The following HOMER2 variants were observed in gnomAD, a reference collection of about 807,000 sequenced individuals.
HOMER2 encodes the protein homer protein homolog 2.
In HOMER2, 27 loss-of-function variants were observed where a neutral mutation model predicts 47.0. The observed-to-expected ratio is 0.57, with a 90% confidence interval of 0.42 to 0.79. HOMER2 has a LOEUF of 0.79. HOMER2 is among the 30% of genes least tolerant of loss of function. The pLI is 0.00. For missense variants in HOMER2, 443 were observed against 435.0 expected (o/e 1.02, Z -0.16); for synonymous variants, 161 against 163.8 (o/e 0.98, Z 0.13).
At chr15:82,855,893 G>A (rs1030456471) in intron 5 of HOMER2, among the ~76,000 whole-genome samples, 2 of 152,308 alleles carry the variant, frequency 1.3e-5, no homozygotes, top group African/African-American at 2.4e-5. Flanking sequence ...TCCTTGCTAG[G>A]AGCCCACACA....
intron 5 of HOMER2, among the ~76,000 whole-genome samples, chr15:82,857,729 C>G (rs146530005): frequency 0.011 from 1,617 of 152,196 alleles, 7 homozygotes; most frequent in Non-Finnish European, 0.016. Context: ...CCACGCCCAG[C>G]CAATACAGAT....
intron 1 of HOMER2, among the ~76,000 whole-genome samples, chr15:82,923,497 A>AC (rs1448552817): frequency 1.3e-5 from 2 of 151,796 alleles, no homozygotes; most frequent in African/African-American, 4.8e-5. Flanking sequence ...AAAAAAAAAA[A>AC]AAAAAAAAGG....
At chr15:82,954,915 A>T (rs977564756), upstream of HOMER2, among the ~76,000 whole-genome samples, 1 of 149,318 alleles carries the variant, frequency 6.7e-6, no homozygotes, top group Non-Finnish European at 1.5e-5. Flanking sequence ...AGTAGCTGGG[A>T]CTACAGGCGC....
chr15:82,925,302 A>AAG (rs1028770599), intron 1 of HOMER2, among the ~76,000 whole-genome samples: 2 of 152,166 alleles, frequency 1.3e-5, no homozygotes, highest in Non-Finnish European at 2.9e-5. Flanking sequence ...TGGGGTCAGT[A>AAG]AGATGGGGCA....
intron 1 of HOMER2, among the ~76,000 whole-genome samples, chr15:82,932,260 C>A (rs557630558): frequency 4.6e-5 from 7 of 152,116 alleles, no homozygotes; most frequent in Non-Finnish European, 7.3e-5. Flanking sequence ...TTTGGGAGGC[C>A]AAGGAAGGTG....
chr15:82,969,098 T>C (rs1158918281), intron 1 of HOMER2, among the ~76,000 whole-genome samples: 1 of 152,200 alleles, frequency 6.6e-6, no homozygotes, highest in Non-Finnish European at 1.5e-5. Flanking sequence ...GCAGAAGAAT[T>C]ATCCATAGTT....
downstream of HOMER2, among the ~76,000 whole-genome samples, chr15:82,836,489 C>T (rs1163459152): frequency 6.6e-6 from 1 of 152,254 alleles, no homozygotes; most frequent in Non-Finnish European, 1.5e-5. Flanking sequence ...CTCTTAAGTG[C>T]CTGGAATTCT....
chr15:82,852,193 C>G lies in HOMER2; in HGVS notation c.711G>C (p.Gln237His). 1 of 1,614,010 alleles carries G rather than the reference C, an allele frequency of 6.2e-7. No homozygotes were observed. The highest frequency in any genetic ancestry group is 1.3e-5 in the African/African-American group (1 of 75,050). Reference protein sequence around the residue: ...EINREKEKNTQLKRRIEELEA... With the variant: ...EINREKEKNTHLKRRIEELEA... Reference sequence around the variant, plus strand: ...CCAGCTCCTCGATCCTCCTCTTCAGCTGCGTGTTCTTCTCCTTCTCTCTGT... The same window carrying G: ...CCAGCTCCTCGATCCTCCTCTTCAGGTGCGTGTTCTTCTCCTTCTCTCTGT... The change falls in exon 7 of 9, where the codon CAG becomes CAC. Residue 237 changes from glutamine to histidine, a missense_variant. Physicochemically the swap from Gln to His is conservative, Grantham distance 24. Transcript: ENST00000450735.
chr15:82,899,522 C>T (rs2053042404), intron 1 of HOMER2, among the ~76,000 whole-genome samples: 2 of 152,252 alleles, frequency 1.3e-5, no homozygotes, highest in Admixed American at 6.5e-5. Context: ...AAGAATCTAA[C>T]TTACAAGCAT....
At chr15:82,858,706 T>G (rs1040334329) in intron 5 of HOMER2, among the ~76,000 whole-genome samples, 1 of 151,800 alleles carries the variant, frequency 6.6e-6, no homozygotes, top group Non-Finnish European at 1.5e-5. Flanking sequence ...TCTCCACACA[T>G]GTACACTCAA....
At position 82,982,938 on chromosome 15, in the gene HOMER2, T is replaced by C. The variant is rs146586103; in HGVS notation, n.82+2849A>G. 9.3e-4 allele frequency among the ~76,000 whole-genome samples: 141 copies of C among 152,316 alleles called. 1 individual carries two copies. The highest frequency in any genetic ancestry group is 1.6e-3 in the Non-Finnish European group (107 of 68,000). On this transcript the variant is annotated intron_variant and non_coding_transcript_variant, in intron 1 of 1. Transcript: ENST00000500334. ...TCGCCTTCTCTTCTCTATGAATACT[T>C]TCCCTGTTGAAAAGATCATATACAG...
rs1256426 is a variant in HOMER2 at position 82,854,616 on chromosome 15, C to G, written c.651+28G>C. The G allele has an allele frequency of 0.49, 776,173 of 1,593,118 alleles. 191,829 individuals carry two copies. The highest frequency in any genetic ancestry group is 0.73 in the East Asian group (32,116 of 44,226). ...TCCCACTGCCCACACCAGCTGGCCT[C>G]GGGGCTCACTGCATCCACCGTACCC... On this transcript the variant is annotated intron_variant, in intron 6 of 8. Coordinates refer to ENST00000450735, the MANE Select transcript of HOMER2 (RefSeq NM_004839.4).
chr15:82,985,375 G>A lies in HOMER2; in HGVS notation n.82+412C>T, dbSNP rs139960555. ...GGCTAGTAGCAGAGTGATGCTAGAG[G>A]CAGGACATCAATGAGAAAGGTACTG... On this transcript the variant is annotated intron_variant and non_coding_transcript_variant, in intron 1 of 1. Transcript: ENST00000500334. Among the ~76,000 whole-genome samples the A allele has an allele frequency of 4.0e-3, 613 of 152,226 alleles. 3 individuals carry two copies. The highest frequency in any genetic ancestry group is 0.01 in the African/African-American group (423 of 41,542).
At chr15:82,909,913 TC>T (rs2053403745) in intron 1 of HOMER2, among the ~76,000 whole-genome samples, 1 of 151,982 alleles carries the variant, frequency 6.6e-6, no homozygotes, top group Admixed American at 6.6e-5. Context: ...GACAGATAGA[TC>T]ACCCGAGGTC....
At chr15:82,970,701 G>A (rs1363993963) in intron 1 of HOMER2, among the ~76,000 whole-genome samples, 2 of 152,166 alleles carry the variant, frequency 1.3e-5, no homozygotes, top group Non-Finnish European at 2.9e-5. Context: ...ATCTTGCTAG[G>A]TAAATCCTCT....
At position 82,852,150 on chromosome 15, in the gene HOMER2, T is replaced by C; in HGVS notation, c.754A>G (p.Lys252Glu). ...IEELEAELRE[K>E]ETELKDLRKQ... is the part of the protein sequence containing the mutation. ...GGAGCACCATTACTCACTGTCTCCT[T>C]TTCTCGGAGCTCTGCCTCCAGCTCC... Residue 252 changes from lysine to glutamate, a missense_variant, in exon 7 of 9, where the codon AAG (lysine) becomes GAG (glutamate). Transcript: ENST00000450735. 1 of 1,613,038 alleles carries C rather than the reference T, an allele frequency of 6.2e-7. No individual in the cohort carries two copies. Among genetic ancestry groups the C allele is most frequent in the Non-Finnish European group, 8.5e-7 (1 of 1,179,072 alleles).
rs377022752 is a variant in HOMER2 at position 82,922,836 on chromosome 15, A to C, written c.5+29695T>G. Among the ~76,000 whole-genome samples, 7 of 152,274 alleles carry C rather than the reference A, an allele frequency of 4.6e-5. No homozygotes were observed. The East Asian group carries it at 1.2e-3, about 25-fold the overall frequency. On this transcript the variant is annotated intron_variant, in intron 1 of 8. Transcript: ENST00000450735. ...ATCCCTGCACCCAACCTACAGGCTT[A>C]ACAGATGTCCCTGCTCACCCCATAC...
rs780714113 is a variant in HOMER2 at position 82,864,257 on chromosome 15, A to C, written c.297T>G (p.Phe99Leu). ...CTTTCACCTCCTGGAATTTCTCTGC[A>C]AACTGAACATGAAGAATAGTTATTA... ...GFSSEQQLTK[F>L]AEKFQEVKEA... The change falls in exon 4 of 9, where the codon TTT becomes TTG. Residue 99 changes from phenylalanine (F) to leucine (L), a missense_variant and splice_region_variant. Phe to Leu is a conservative substitution (Grantham distance 22). Coordinates refer to ENST00000450735, the MANE Select transcript of HOMER2 (RefSeq NM_004839.4). 2 of 1,608,742 alleles carry C rather than the reference A, an allele frequency of 1.2e-6. No homozygotes were observed. Among genetic ancestry groups the C allele is most frequent in the Non-Finnish European group, 1.7e-6 (2 of 1,176,146 alleles).
intron 3 of HOMER2, among the ~76,000 whole-genome samples, chr15:82,873,335 C>G (rs1596316324): frequency 6.6e-6 from 1 of 152,304 alleles, no homozygotes; most frequent in South Asian, 2.1e-4. Flanking sequence ...GCCCTATCAG[C>G]CAAAGATTTA....
Sources: allele counts gnomAD v4.1 joint callset (sites outside exome capture counted in the v4.1 genomes callset), GRCh38; gene constraint gnomAD v4.1.1; transcripts MANE v1.5; gene names NCBI Gene and HGNC (gene_info 2026-07-23, HGNC 2026-07-21).